DPP10: variants seen among roughly 807,000 people sequenced by gnomAD.
DPP10 encodes the protein inactive dipeptidyl peptidase 10.
DPP10 carries 33 observed loss-of-function variants against 120.9 expected under a neutral mutation model. The ratio of observed to expected loss-of-function variants is 0.27; its 90% CI spans 0.21 to 0.37. The LOEUF (loss-of-function observed/expected upper bound fraction) is 0.37. DPP10 is among the 10% of genes least tolerant of loss of function. The probability of loss-of-function intolerance (pLI) is 1.00; values close to 1 mark genes in which losing one functional copy is unlikely to be tolerated. For missense variants in DPP10, 816 were observed against 942.8 expected (o/e 0.87, Z 1.76); for synonymous variants, 337 against 326.1 (o/e 1.03, Z -0.36).
intron 1 of DPP10, among the ~76,000 whole-genome samples, chr2:114,530,311 T>C (rs1430688663): frequency 6.6e-6 from 1 of 152,122 alleles, no homozygotes; most frequent in African/African-American, 2.4e-5. Flanking sequence ...CATTTTATAA[T>C]AGTTATTGGG....
chr2:114,759,812 G>A, intron 1 of DPP10, among the ~76,000 whole-genome samples: 1 of 146,636 alleles, frequency 6.8e-6, no homozygotes, highest in East Asian at 2.1e-4. Flanking sequence ...GGGGTGGGCA[G>A]TGATGGGGGT....
chr2:115,295,180 A>G (rs1260333003), intron 1 of DPP10, among the ~76,000 whole-genome samples: 1 of 152,000 alleles, frequency 6.6e-6, no homozygotes, highest in Non-Finnish European at 1.5e-5. Flanking sequence ...GGGGAAGAAA[A>G]GGCTGTCTTC....
At chr2:115,812,780 C>T (rs1165360544) in intron 19 of DPP10, among the ~76,000 whole-genome samples, 1 of 151,878 alleles carries the variant, frequency 6.6e-6, no homozygotes, top group East Asian at 1.9e-4. Flanking sequence ...AGTTTATTTA[C>T]GGTGTTTCTT....
intron 1 of DPP10, among the ~76,000 whole-genome samples, chr2:115,236,889 A>G (rs900658261): frequency 6.6e-6 from 1 of 152,168 alleles, no homozygotes; most frequent in Non-Finnish European, 1.5e-5. Context: ...ACAGTGAGTT[A>G]AGAATTTTCG....
intron 1 of DPP10, among the ~76,000 whole-genome samples, chr2:114,632,663 C>A (rs1347861112): frequency 1.3e-5 from 2 of 151,812 alleles, no homozygotes; most frequent in African/African-American, 4.8e-5. Context: ...CAGGCTCCCA[C>A]CACCATGCCC....
chr2:114,821,885 T>C lies in DPP10; in HGVS notation c.60+379047T>C, dbSNP rs562590286. Among the ~76,000 whole-genome samples, 173 of 152,300 alleles carry C rather than the reference T, an allele frequency of 1.1e-3. 3 individuals are homozygous for C. The highest frequency in any genetic ancestry group is 0.011 in the Admixed American group (168 of 15,302). On this transcript the variant is annotated intron_variant, in intron 1 of 25. Coordinates refer to ENST00000410059, the MANE Select transcript of DPP10 (RefSeq NM_020868.6). ...CCACAGCCTTAGGCAGCTCCACCCC[T>C]GTGGTTTTGCAGAGTACAGCTCCCC...
At chr2:115,163,934 T>A (rs2104993652) in intron 1 of DPP10, among the ~76,000 whole-genome samples, 1 of 152,338 alleles carries the variant, frequency 6.6e-6, no homozygotes, top group Non-Finnish European at 1.5e-5. Context: ...ATTAATCTGG[T>A]ACTTAAAATT....
At chr2:115,170,808 A>T (rs2053262311) in intron 1 of DPP10, among the ~76,000 whole-genome samples, 1 of 152,114 alleles carries the variant, frequency 6.6e-6, no homozygotes, top group South Asian at 2.1e-4. Context: ...CCCCTCCCTC[A>T]CATTTATGAA....
chr2:115,802,410 T>C (rs1030415643), intron 19 of DPP10, among the ~76,000 whole-genome samples: 1 of 152,048 alleles, frequency 6.6e-6, no homozygotes, highest in African/African-American at 2.4e-5. Context: ...TTTTGAAGGG[T>C]TTTTTGTGTC....
At chr2:115,418,801 T>G (rs949521216) in intron 3 of DPP10, among the ~76,000 whole-genome samples, 1 of 151,868 alleles carries the variant, frequency 6.6e-6, no homozygotes, top group African/African-American at 2.4e-5. Flanking sequence ...ATTAATTAAT[T>G]AATTTAAAAA....
At chr2:114,923,190 C>CTT (rs879644489) in intron 1 of DPP10, among the ~76,000 whole-genome samples, 1 of 137,472 alleles carries the variant, frequency 7.3e-6, no homozygotes. Flanking sequence ...TTTCTTTTTT[C>CTT]TTTTTTTTTT....
chr2:115,471,189 T>G (rs1444156827), intron 3 of DPP10, among the ~76,000 whole-genome samples: 1 of 152,182 alleles, frequency 6.6e-6, no homozygotes, highest in Non-Finnish European at 1.5e-5. Flanking sequence ...GCTTATTGGC[T>G]TAATAGGTTC....
intron 3 of DPP10, among the ~76,000 whole-genome samples, chr2:115,376,422 G>A (rs536565098): frequency 1.3e-5 from 2 of 152,074 alleles, no homozygotes; most frequent in East Asian, 1.9e-4. Context: ...GTATTACCAA[G>A]TGGAGGGATA....
chr2:114,947,601 T>C (rs2104616874), intron 1 of DPP10, among the ~76,000 whole-genome samples: 1 of 152,144 alleles, frequency 6.6e-6, no homozygotes, highest in South Asian at 2.1e-4. Context: ...TTGGTTAACA[T>C]TACAATTTCA....
intron 5 of DPP10, among the ~76,000 whole-genome samples, chr2:115,546,044 C>G (rs1026231628): frequency 6.6e-6 from 1 of 152,090 alleles, no homozygotes. Context: ...CTGAGCAACG[C>G]CTAGATTTAG....
chr2:114,763,228 T>C (rs1032445362), intron 1 of DPP10, among the ~76,000 whole-genome samples: 3 of 152,184 alleles, frequency 2.0e-5, no homozygotes, highest in Non-Finnish European at 4.4e-5. Context: ...GAAATGACTC[T>C]GGAGCTTGAA....
At chr2:115,711,620 A>G (rs1486993028) in intron 7 of DPP10, among the ~76,000 whole-genome samples, 1 of 152,120 alleles carries the variant, frequency 6.6e-6, no homozygotes, top group African/African-American at 2.4e-5. Context: ...GGTAAATAAT[A>G]TGAATAAGAG....
chr2:115,235,894 G>A (rs539273153), intron 1 of DPP10, among the ~76,000 whole-genome samples: 21 of 152,102 alleles, frequency 1.4e-4, no homozygotes, highest in Non-Finnish European at 2.8e-4. Flanking sequence ...CCTCAAATAA[G>A]TACACGATGG....
In DPP10 at chr2:115,560,424, A is replaced by G. The variant is rs1383326845; in HGVS notation, c.441+34452A>G. On this transcript the variant is annotated intron_variant, in intron 5 of 25. Transcript: ENST00000410059. ...AAAAAATATATATATATATATATAT[A>G]TATATATATATATATATATATACGA... Among the ~76,000 whole-genome samples, 7 of 74,182 alleles carry G rather than the reference A, an allele frequency of 9.4e-5. No homozygotes were observed. The East Asian group carries it at 2.7e-3, about 29-fold the overall frequency. The allele number at this position is 74,182 out of a possible 152,430, so 48.7% of individuals were successfully genotyped here. A position where few individuals can be genotyped will look rare whatever the true frequency, so the allele number is the denominator to read the frequency against.
Sources: allele counts gnomAD v4.1 joint callset (sites outside exome capture counted in the v4.1 genomes callset), GRCh38; gene constraint gnomAD v4.1.1; transcripts MANE v1.5; gene names NCBI Gene and HGNC (gene_info 2026-07-23, HGNC 2026-07-21).